GLRA3: variants seen among roughly 807,000 people sequenced by gnomAD.
GLRA3 encodes the protein glycine receptor subunit alpha-3.
Under a neutral mutation model 60.4 loss-of-function variants are expected in GLRA3, and 44 were observed. The observed-to-expected ratio is 0.73, with a 90% CI of 0.57 to 0.94. The LOEUF (loss-of-function observed/expected upper bound fraction) is 0.94. Ranked by LOEUF, GLRA3 falls within the 40% of genes least tolerant of loss-of-function variation. GLRA3 has a pLI of 0.00. For missense variants in GLRA3, 508 were observed against 564.6 expected, an observed-to-expected ratio of 0.90 and a Z score of 1.02; for synonymous variants, 223 against 192.9, an observed-to-expected ratio of 1.16 and a Z score of -1.29.
At chr4:174,680,123 G>A (rs1407031840) in intron 6 of GLRA3, among the ~76,000 whole-genome samples, 2 of 152,076 alleles carry the variant, frequency 1.3e-5, no homozygotes, top group Non-Finnish European at 2.9e-5. Flanking sequence ...CCAAAAACAT[G>A]TACAGCTATT....
At chr4:174,826,886 T>C (rs1024811248) in intron 1 of GLRA3, among the ~76,000 whole-genome samples, 1 of 151,488 alleles carries the variant, frequency 6.6e-6, no homozygotes, top group African/African-American at 2.4e-5. Context: ...TTTTTTTTTT[T>C]TTTCTATAGG....
chr4:174,751,952 TG>T (rs1451101901), intron 3 of GLRA3, among the ~76,000 whole-genome samples: 2 of 151,860 alleles, frequency 1.3e-5, no homozygotes, highest in African/African-American at 4.8e-5. Context: ...GGAGGCATAA[TG>T]AAAAAAAGTG....
rs1732693552 is a variant in GLRA3 at position 174,643,607 on chromosome 4, A to G, written c.*179T>C. The G allele has an allele frequency of 1.5e-5, 20 of 1,338,060 alleles. No individual in the cohort carries two copies. Among genetic ancestry groups the G allele is most frequent in the Non-Finnish European group, 1.9e-5 (20 of 1,041,346 alleles). 82.9% of individuals were successfully genotyped at this position (1,338,060 alleles called of 1,614,324 possible). On this transcript the variant is annotated 3_prime_UTR_variant, in exon 10 of 10. Coordinates refer to ENST00000274093, the MANE Select transcript of GLRA3 (RefSeq NM_006529.4). ...CCTAATAAATATTTTATATTCATTA[A>G]AAGAATCTCATCTTTCTCATGACTT...
chr4:174,714,947 G>T (rs1579494110), intron 5 of GLRA3, among the ~76,000 whole-genome samples: 1 of 152,122 alleles, frequency 6.6e-6, no homozygotes, highest in East Asian at 1.9e-4. Flanking sequence ...TTTCTTCTGA[G>T]CTAACATACA....
chr4:174,821,375 T>A (rs1177739783), intron 1 of GLRA3, among the ~76,000 whole-genome samples: 2 of 152,136 alleles, frequency 1.3e-5, no homozygotes, highest in African/African-American at 4.8e-5. Flanking sequence ...AAATAAATAC[T>A]TTTTTATGGT....
At chr4:174,668,713 A>T (rs1229979746) in intron 7 of GLRA3, among the ~76,000 whole-genome samples, 1 of 152,040 alleles carries the variant, frequency 6.6e-6, no homozygotes, top group East Asian at 1.9e-4. Flanking sequence ...TGGAGTTTGA[A>T]TCACAAAATC....
intron 3 of GLRA3, among the ~76,000 whole-genome samples, chr4:174,737,946 G>A (rs1736869998): frequency 6.6e-6 from 1 of 152,102 alleles, no homozygotes; most frequent in Non-Finnish European, 1.5e-5. Context: ...TATGAAATGT[G>A]AGAGGTTAAA....
At chr4:174,695,942 A>G (rs4440198) in intron 5 of GLRA3, among the ~76,000 whole-genome samples, 89,379 of 151,804 alleles carry the variant, frequency 0.59, 26,609 homozygotes, top group South Asian at 0.67. Flanking sequence ...CTATACACCA[A>G]CAACAGCCAC....
intron 1 of GLRA3, among the ~76,000 whole-genome samples, chr4:174,821,890 C>T (rs958004083): frequency 5.9e-5 from 9 of 152,114 alleles, no homozygotes; most frequent in African/African-American, 2.2e-4. Context: ...TTTTTCTCCA[C>T]TTGATAACAC....
Position 174,744,394 on chromosome 4 carries a change from G to A in GLRA3, c.268-15696C>T, listed in dbSNP as rs940764744. ...GCTGGTGTATGCTGCCCTGGGAGCC[G>A]AAGAACAGGCACATTCGAAACCCTG... On this transcript the variant is annotated intron_variant, in intron 3 of 9. Transcript: ENST00000274093. Among the ~76,000 whole-genome samples the A allele has an allele frequency of 9.2e-5, 14 of 152,316 alleles. No homozygotes were observed. The South Asian group carries it at 1.2e-3, about 14-fold the overall frequency.
At chr4:174,775,681 T>G (rs1738569673) in intron 2 of GLRA3, among the ~76,000 whole-genome samples, 1 of 152,160 alleles carries the variant, frequency 6.6e-6, no homozygotes. Context: ...AATATTCTAG[T>G]GAAATAATGT....
At chr4:174,819,577 T>C (rs1404902263) in intron 1 of GLRA3, among the ~76,000 whole-genome samples, 1 of 152,200 alleles carries the variant, frequency 6.6e-6, no homozygotes, top group Non-Finnish European at 1.5e-5. Flanking sequence ...CTCCTTTCCA[T>C]TCCAGAAAAA....
chr4:174,783,445 C>G (rs1309077047), intron 2 of GLRA3, among the ~76,000 whole-genome samples: 1 of 132,434 alleles, frequency 7.6e-6, no homozygotes, highest in African/African-American at 2.8e-5. Flanking sequence ...AAAGCAACGG[C>G]AACAAAAGCC....
intron 2 of GLRA3, among the ~76,000 whole-genome samples, chr4:174,784,601 C>T (rs997011557): frequency 6.6e-6 from 1 of 151,900 alleles, no homozygotes; most frequent in African/African-American, 2.4e-5. Context: ...CTATACATAA[C>T]ATTTCTCTTC....
At chr4:174,825,930 T>C (rs1002359908) in intron 1 of GLRA3, among the ~76,000 whole-genome samples, 1 of 152,230 alleles carries the variant, frequency 6.6e-6, no homozygotes, top group South Asian at 2.1e-4. Context: ...ACTGATCAAA[T>C]TGTGTACTAG....
chr4:174,718,924 T>C (rs1736029816), intron 4 of GLRA3, among the ~76,000 whole-genome samples: 1 of 151,448 alleles, frequency 6.6e-6, no homozygotes, highest in South Asian at 2.1e-4. Context: ...TACAGCTGAA[T>C]TTGCAGCCCT....
At chr4:174,648,258 C>T (rs1341058909) in intron 9 of GLRA3, among the ~76,000 whole-genome samples, 1 of 152,032 alleles carries the variant, frequency 6.6e-6, no homozygotes, top group African/African-American at 2.4e-5. Context: ...GTCAGGAATT[C>T]GAGACCAGCC....
intron 6 of GLRA3, among the ~76,000 whole-genome samples, chr4:174,677,871 T>C (rs1487473750): frequency 1.3e-5 from 2 of 152,202 alleles, no homozygotes; most frequent in Non-Finnish European, 2.9e-5. Flanking sequence ...AGATTTATTA[T>C]TTCACTTGAT....
At position 174,637,868 on chromosome 4, in the gene GLRA3, T is replaced by G. The variant is rs1442405119; in HGVS notation, c.*5918A>C. 1 of 152,192 alleles carries G rather than the reference T, an allele frequency of 6.6e-6. No homozygotes were observed. Among genetic ancestry groups the G allele is most frequent in the Non-Finnish European group, 1.5e-5 (1 of 68,028 alleles). 9.4% of individuals were successfully genotyped at this position (152,192 alleles called of 1,614,324 possible). ...ATATACATAGAAATTTTCATCAATT[T>G]CTATTTATCTATGTAGATAATTAAT... On this transcript the variant is annotated 3_prime_UTR_variant, in exon 10 of 10. Coordinates refer to ENST00000274093, the MANE Select transcript of GLRA3 (RefSeq NM_006529.4).
Sources: gnomAD v4.1 joint callset for allele counts (sites outside exome capture counted in the v4.1 genomes callset) on GRCh38, gnomAD v4.1.1 for gene constraint, MANE v1.5 for transcripts, NCBI Gene and HGNC (gene_info 2026-07-23, HGNC 2026-07-21) for gene names.